SUGCT: variants seen among roughly 807,000 people sequenced by gnomAD.
SUGCT encodes the protein succinyl-CoA:glutarate-CoA transferase.
In SUGCT, 41 loss-of-function variants were observed where a neutral mutation model predicts 55.0. The ratio of observed to expected loss-of-function variants is 0.74; its 90% CI spans 0.58 to 0.97. The LOEUF is 0.97. Among genes scored for constraint, SUGCT ranks in the 50% least tolerant of loss-of-function variants. The pLI is 0.00. For synonymous variants in SUGCT, 187 were observed against 200.4 expected (o/e 0.93, Z 0.56); for missense variants, 568 against 547.8 (o/e 1.04, Z -0.37).
At chr7:40,959,987 C>T in the SUGCT span, among the ~76,000 whole-genome samples, 1 of 152,162 alleles carries the variant, frequency 6.6e-6, no homozygotes, top group Non-Finnish European at 1.5e-5. Flanking sequence ...CTTCTGCTCA[C>T]CCTCTATGGG....
intron 13 of SUGCT, among the ~76,000 whole-genome samples, chr7:40,851,640 C>G (rs1793858488): frequency 6.6e-6 from 1 of 152,172 alleles, no homozygotes; most frequent in Non-Finnish European, 1.5e-5. Flanking sequence ...AGGCAGTTCA[C>G]CCACAGCCCT....
At chr7:40,318,357 T>G (rs73320551) in intron 9 of SUGCT, among the ~76,000 whole-genome samples, 1,840 of 62,556 alleles carry the variant, frequency 0.029, 32 homozygotes, top group African/African-American at 0.1. Context: ...ATGGAGGTCT[T>G]TCTCAAGGGT....
chr7:40,600,637 T>A (rs1258875084), intron 12 of SUGCT, among the ~76,000 whole-genome samples: 1 of 152,072 alleles, frequency 6.6e-6, no homozygotes, highest in Admixed American at 6.6e-5. Context: ...GAAGTAGAAA[T>A]CATGAAAACC....
intron 12 of SUGCT, among the ~76,000 whole-genome samples, chr7:40,563,486 G>T (rs915028137): frequency 2.0e-5 from 3 of 151,494 alleles, no homozygotes; most frequent in African/African-American, 7.3e-5. Flanking sequence ...CAGGAGGATT[G>T]CTTGAGCCCA....
intron 12 of SUGCT, among the ~76,000 whole-genome samples, chr7:40,519,862 G>A (rs1793433875): frequency 6.6e-6 from 1 of 152,006 alleles, no homozygotes. Flanking sequence ...AATTCAGATA[G>A]ATAATAAAAT....
At chr7:40,333,816 A>G (rs1584706540) in intron 9 of SUGCT, among the ~76,000 whole-genome samples, 1 of 149,552 alleles carries the variant, frequency 6.7e-6, no homozygotes, top group Non-Finnish European at 1.5e-5. Flanking sequence ...GGTTTGTTAC[A>G]TATGTATACA....
the SUGCT span, among the ~76,000 whole-genome samples, chr7:40,868,651 A>G: frequency 6.6e-6 from 1 of 152,146 alleles, no homozygotes; most frequent in Non-Finnish European, 1.5e-5. Flanking sequence ...GGCTCAAGCG[A>G]TCTCCCATCT....
At chr7:40,868,650 G>A in the SUGCT span, among the ~76,000 whole-genome samples, 4 of 152,228 alleles carry the variant, frequency 2.6e-5, no homozygotes, top group East Asian at 1.9e-4. Flanking sequence ...GGGCTCAAGC[G>A]ATCTCCCATC....
At chr7:40,475,633 A>G (rs866812234) in intron 11 of SUGCT, among the ~76,000 whole-genome samples, 2 of 152,022 alleles carry the variant, frequency 1.3e-5, no homozygotes, top group African/African-American at 4.8e-5. Flanking sequence ...TTGAGCTTGA[A>G]CTCTGTGAAG....
chr7:40,814,300 G>C (rs1422902856), intron 13 of SUGCT, among the ~76,000 whole-genome samples: 1 of 151,912 alleles, frequency 6.6e-6, no homozygotes, highest in Non-Finnish European at 1.5e-5. Flanking sequence ...TTTTTTCCAG[G>C]TTATTTACTC....
intron 13 of SUGCT, among the ~76,000 whole-genome samples, chr7:40,842,164 CATT>C (rs548526973): frequency 3.8e-4 from 58 of 151,662 alleles, no homozygotes; most frequent in African/African-American, 1.2e-3. Flanking sequence ...AGACACATAT[CATT>C]ATTATTATTA....
At chr7:41,037,013 G>A in the SUGCT span, among the ~76,000 whole-genome samples, 1 of 152,128 alleles carries the variant, frequency 6.6e-6, no homozygotes, top group Non-Finnish European at 1.5e-5. Context: ...TTAGTAACCT[G>A]GGACAAGTGA....
chr7:40,971,015 A>C, the SUGCT span, among the ~76,000 whole-genome samples: 6 of 152,196 alleles, frequency 3.9e-5, no homozygotes, highest in Non-Finnish European at 7.3e-5. Context: ...GTGTTGCTAT[A>C]AAGGAATACC....
At chr7:40,527,168 A>G (rs1793844240) in intron 12 of SUGCT, among the ~76,000 whole-genome samples, 1 of 152,202 alleles carries the variant, frequency 6.6e-6, no homozygotes, top group Admixed American at 6.5e-5. Context: ...ATTCTTTTCC[A>G]TGATGCCAAA....
chr7:40,884,489 T>C, the SUGCT span, among the ~76,000 whole-genome samples: 1 of 152,198 alleles, frequency 6.6e-6, no homozygotes, highest in Admixed American at 6.5e-5. Flanking sequence ...GCCATTATGA[T>C]GAGGCTGGAG....
intron 12 of SUGCT, among the ~76,000 whole-genome samples, chr7:40,722,933 G>A (rs926726699): frequency 6.6e-6 from 1 of 152,032 alleles, no homozygotes; most frequent in East Asian, 1.9e-4. Flanking sequence ...AGTTATGTTT[G>A]CCATCTGAAA....
intron 6 of SUGCT, among the ~76,000 whole-genome samples, chr7:40,212,689 C>T (rs529710315): frequency 1.2e-4 from 19 of 152,144 alleles, no homozygotes; most frequent in South Asian, 2.1e-4. Context: ...TTTGTGCCAC[C>T]GCATCCAGCT....
At chr7:40,744,959 G>A (rs1224353843) in intron 12 of SUGCT, among the ~76,000 whole-genome samples, 1 of 152,116 alleles carries the variant, frequency 6.6e-6, no homozygotes, top group Admixed American at 6.5e-5. Context: ...AGCTTAAACT[G>A]TGTTATAACA....
chr7:40,735,414 C>T (rs1024480303), intron 12 of SUGCT, among the ~76,000 whole-genome samples: 4 of 152,102 alleles, frequency 2.6e-5, no homozygotes, highest in African/African-American at 9.7e-5. Context: ...AAAGAGGATA[C>T]AGTGACATCT....
Sources: gnomAD v4.1 joint callset for allele counts (sites outside exome capture counted in the v4.1 genomes callset) on GRCh38, gnomAD v4.1.1 for gene constraint, MANE v1.5 for transcripts, NCBI Gene and HGNC (gene_info 2026-07-23, HGNC 2026-07-21) for gene names.